The following NFIC variants were observed in gnomAD, a reference collection of about 807,000 sequenced individuals.
NFIC encodes the protein nuclear factor I C, also known as nuclear factor 1 C-type.
Under a neutral mutation model 54.4 loss-of-function variants are expected in NFIC, and 12 were observed. The observed-to-expected ratio is 0.22, with a 90% CI of 0.14 to 0.36. NFIC has a LOEUF of 0.36. NFIC is among the 10% of genes least tolerant of loss of function. The pLI, the probability that NFIC is intolerant of heterozygous loss-of-function variation, is 1.00. For synonymous variants in NFIC, 322 were observed against 319.2 expected, an observed-to-expected ratio of 1.01 and a Z score of -0.09; for missense variants, 575 against 718.2, an observed-to-expected ratio of 0.80 and a Z score of 2.28.
chr19:3,390,167 C>T (rs1421577546), intron 2 of NFIC, among the ~76,000 whole-genome samples: 1 of 152,230 alleles, frequency 6.6e-6, no homozygotes, highest in Non-Finnish European at 1.5e-5. Context: ...TGGACCAAGT[C>T]ACCCTTTCCA....
intron 6 of NFIC, among the ~76,000 whole-genome samples, chr19:3,436,304 C>T (rs1405109337): frequency 1.4e-4 from 19 of 135,870 alleles, no homozygotes; most frequent in South Asian, 4.9e-4. Flanking sequence ...TGCCATGCGC[C>T]GTTAATTTTT....
chr19:3,424,600 C>T (rs1030375074), intron 2 of NFIC, among the ~76,000 whole-genome samples: 1 of 151,910 alleles, frequency 6.6e-6, no homozygotes, highest in Non-Finnish European at 1.5e-5. Flanking sequence ...TGGTCTCAAA[C>T]TCCTGACCCT....
Position 3,380,628 on chromosome 19 carries a change from C to CTTTTTTTTTTTTT in NFIC, c.31-1073_31-1061dup, listed in dbSNP as rs1159916071. On this transcript the variant is annotated intron_variant, in intron 1 of 10. Transcript: ENST00000443272. ...ACAGGTGTGAGCCACTGCGCCCAGG[C>CTTTTTTTTTTTTT]TTTTTTTTTTTTTTTTTTTTTTTGT... Among the ~76,000 whole-genome samples the CTTTTTTTTTTTTT allele has an allele frequency of 3.1e-5, 3 of 96,118 alleles. 1 individual carries two copies. Among genetic ancestry groups the CTTTTTTTTTTTTT allele is most frequent in the Non-Finnish European group, 2.0e-5 (1 of 50,096 alleles). 63.1% of individuals were successfully genotyped at this position (96,118 alleles called of 152,430 possible).
intron 3 of NFIC, among the ~76,000 whole-genome samples, chr19:3,426,364 C>G (rs1345332903): frequency 6.6e-6 from 1 of 152,132 alleles, no homozygotes; most frequent in African/African-American, 2.4e-5. Flanking sequence ...TAGGTGTGAG[C>G]CACCACACCC....
intron 2 of NFIC, among the ~76,000 whole-genome samples, chr19:3,387,690 T>C (rs2145492963): frequency 6.6e-6 from 1 of 151,100 alleles, no homozygotes; most frequent in East Asian, 2.0e-4. Flanking sequence ...GAGGGGGTTA[T>C]AGCCAGTGCG....
chr19:3,393,816 CAAAAAAAAAAA>C (rs35101011), intron 2 of NFIC, among the ~76,000 whole-genome samples: 1 of 55,734 alleles, frequency 1.8e-5, no homozygotes, highest in East Asian at 5.4e-4. Context: ...GACTCTGTCT[CAAAAAAAAAAA>C]AAAAAAAAAA....
rs2082721538 is a variant in NFIC, at chr19:3,466,708, A to G, written c.*3939A>G. The G allele has an allele frequency of 6.6e-6, 1 of 152,014 alleles. No individual in the cohort carries two copies. Among genetic ancestry groups the G allele is most frequent in the Admixed American group, 6.6e-5 (1 of 15,260 alleles). The allele number at this position is 152,014 out of a possible 1,614,324, so 9.4% of individuals were successfully genotyped here. On this transcript the variant is annotated 3_prime_UTR_variant, in exon 11 of 11. Transcript: ENST00000443272. The surrounding 1 kb of genome is among the most constrained non-coding windows in gnomAD (Gnocchi z 4.8). ...CTGAGCAAATCTGTCTTGCCAAGGA[A>G]CTAGGAGCAACCGGAGGCAAAGGGA...
At chr19:3,394,298 C>T (rs1384971613) in intron 2 of NFIC, among the ~76,000 whole-genome samples, 1 of 151,668 alleles carries the variant, frequency 6.6e-6, no homozygotes, top group East Asian at 1.9e-4. Flanking sequence ...GGCCAACATA[C>T]TAAGACCTTG....
At chr19:3,419,170 C>T (rs865839566) in intron 2 of NFIC, among the ~76,000 whole-genome samples, 7 of 151,944 alleles carry the variant, frequency 4.6e-5, no homozygotes, top group African/African-American at 1.7e-4. Context: ...GGCTGCATGG[C>T]CATTGGAATG....
rs995544192 is a variant in NFIC, at chr19:3,398,512, C to T, written c.562+16269C>T. On this transcript the variant is annotated intron_variant, in intron 2 of 10. Coordinates refer to ENST00000443272, the MANE Select transcript of NFIC (RefSeq NM_001245002.2). ...GGCCTCAGTTTCACCTTCAGAGCAA[C>T]GGGAACAGCCCCATCCTTTCACACA... is the stretch of plus-strand genomic sequence containing the variant. Among the ~76,000 whole-genome samples the T allele has an allele frequency of 3.3e-5, 5 of 152,010 alleles. No homozygotes were observed. The East Asian group carries it at 7.8e-4, about 24-fold the overall frequency.
rs775473505 is a variant in NFIC at position 3,434,156 on chromosome 19, G to C, written c.710-121G>C. 2.2e-5 allele frequency: 32 copies of C among 1,433,980 alleles called. 1 individual carries two copies. Among genetic ancestry groups the C allele is most frequent in the Non-Finnish European group, 2.9e-5 (31 of 1,079,484 alleles). The allele number at this position is 1,433,980 out of a possible 1,614,324, so 88.8% of individuals were successfully genotyped here. A position where few individuals can be genotyped will look rare whatever the true frequency, so the allele number is the denominator to read the frequency against. On this transcript the variant is annotated intron_variant, in intron 4 of 10. Transcript: ENST00000443272. ...CTGGTTTCAGCCACCCTAGGAACCG[G>C]GCCAATATGGGAAGGGGGTCCCCCT...
At chr19:3,415,736 T>C (rs760162323) in intron 2 of NFIC, among the ~76,000 whole-genome samples, 25 of 152,136 alleles carry the variant, frequency 1.6e-4, no homozygotes, top group Non-Finnish European at 3.5e-4. Flanking sequence ...ACAGCAATCT[T>C]TGATGGAGGC....
intron 2 of NFIC, among the ~76,000 whole-genome samples, chr19:3,399,776 C>T (rs1034539291): frequency 1.3e-5 from 2 of 151,962 alleles, no homozygotes; most frequent in African/African-American, 2.4e-5. Flanking sequence ...GAGGCTGAGG[C>T]AGAAGAATCA....
chr19:3,362,555 C>T (rs55901633), upstream of NFIC, among the ~76,000 whole-genome samples: 22,731 of 151,368 alleles, frequency 0.15, 2,215 homozygotes, highest in Non-Finnish European at 0.22. Context: ...AGCTGTGTGT[C>T]GTGTGGAGTC....
At chr19:3,449,336 C>G (rs974544979) in intron 7 of NFIC, among the ~76,000 whole-genome samples, 197 bp downstream of exon 7, 15 of 152,136 alleles carry the variant, frequency 9.9e-5, no homozygotes, top group African/African-American at 3.6e-4. Flanking sequence ...TGGACTCAGT[C>G]CCTTTGGGCC....
intron 2 of NFIC, among the ~76,000 whole-genome samples, chr19:3,411,476 C>G (rs2081759117): frequency 1.3e-5 from 2 of 151,904 alleles, no homozygotes; most frequent in Non-Finnish European, 2.9e-5. Flanking sequence ...TACAGGCACA[C>G]ACCACCATGC....
In NFIC at chr19:3,466,190, GTTGTC is replaced by G. The variant is rs1187589799; in HGVS notation, c.*3427_*3431del. ...CTGTGGTCCGGTGGCTGAGCATGCT[GTTGTC>G]TTGTCCTTGATTTTATTTTCTTTTG... On this transcript the variant is annotated 3_prime_UTR_variant, in exon 11 of 11. Coordinates refer to ENST00000443272, the MANE Select transcript of NFIC (RefSeq NM_001245002.2). This position sits in a 1 kb window ranked among gnomAD's most constrained non-coding sequence, Gnocchi z 4.8. 1 of 151,750 alleles carries G rather than the reference GTTGTC, an allele frequency of 6.6e-6. No homozygotes were observed. Among genetic ancestry groups the G allele is most frequent in the Non-Finnish European group, 1.5e-5 (1 of 67,918 alleles). The allele number at this position is 151,750 out of a possible 1,614,324, so 9.4% of individuals were successfully genotyped here. A position where few individuals can be genotyped will look rare whatever the true frequency, so the allele number is the denominator to read the frequency against.
At chr19:3,393,777 A>G (rs1010717033) in intron 2 of NFIC, among the ~76,000 whole-genome samples, 1 of 139,624 alleles carries the variant, frequency 7.2e-6, no homozygotes, top group African/African-American at 2.7e-5. Flanking sequence ...GGATCGTGCC[A>G]CTGCACTCCA....
chr19:3,463,401 A>T lies in NFIC; in HGVS notation c.*632A>T. 1.0e-6 allele frequency: 1 copy of T among 985,590 alleles called. No homozygotes were observed. Among genetic ancestry groups the T allele is most frequent in the Non-Finnish European group, 1.2e-6 (1 of 830,098 alleles). The allele number at this position is 985,590 out of a possible 1,614,324, so 61.1% of individuals were successfully genotyped here. A position where few individuals can be genotyped will look rare whatever the true frequency, so the allele number is the denominator to read the frequency against. ...ACCGCAGAGGCGGGCAGGGTGGGGC[A>T]GGCGAGTGGTGTCGCGGGGGTGCGT... On this transcript the variant is annotated 3_prime_UTR_variant, in exon 11 of 11. Transcript: ENST00000443272.
Sources: allele counts gnomAD v4.1 joint callset (sites outside exome capture counted in the v4.1 genomes callset), GRCh38; gene constraint gnomAD v4.1.1; non-coding constraint Gnocchi (gnomAD v3.1); transcripts MANE v1.5; gene names NCBI Gene and HGNC (gene_info 2026-07-23, HGNC 2026-07-21).